Variants in PLXNC1 observed in about 807,000 individuals in gnomAD.
The protein encoded by PLXNC1 is plexin C1.
A neutral mutation model predicts 178.2 loss-of-function variants in PLXNC1; 75 were observed. The observed-to-expected ratio is 0.42, with a 90% CI of 0.35 to 0.51. The LOEUF is 0.51. Among genes scored for constraint, PLXNC1 ranks in the 20% least tolerant of loss-of-function variants. The pLI is 0.02. For synonymous variants in PLXNC1, 790 were observed against 779.9 expected, an observed-to-expected ratio of 1.01 and a Z score of -0.22; for missense variants, 1,503 against 1,984.4, an observed-to-expected ratio of 0.76 and a Z score of 4.61.
At chr12:94,164,451 C>T (rs866215106) in intron 1 of PLXNC1, among the ~76,000 whole-genome samples, 7 of 87,402 alleles carry the variant, frequency 8.0e-5, no homozygotes, top group African/African-American at 2.1e-4. Context: ...CACCCTGCCT[C>T]GATGAGCCGG....
chr12:94,218,744 C>CACAT, intron 5 of PLXNC1, among the ~76,000 whole-genome samples: 1 of 152,192 alleles, frequency 6.6e-6, no homozygotes, highest in Non-Finnish European at 1.5e-5. Context: ...TATCCCTGTA[C>CACAT]ACATACAAAC....
chr12:94,268,372 T>A (rs907265559), intron 21 of PLXNC1, among the ~76,000 whole-genome samples: 1 of 151,962 alleles, frequency 6.6e-6, no homozygotes, highest in Non-Finnish European at 1.5e-5. Context: ...CCAAGCAAAG[T>A]CCCCTAGAGC....
At position 94,153,709 on chromosome 12, in the gene PLXNC1, C is replaced by A. The variant is rs1304578768; in HGVS notation, c.1062+3676C>A. Reference sequence around the variant, plus strand: ...AGTATTGGTCCACAGGACTCTAGATCATTCTAGTTTGTTCTCTAGTTCATT... The same window carrying A: ...AGTATTGGTCCACAGGACTCTAGATAATTCTAGTTTGTTCTCTAGTTCATT... On this transcript the variant is annotated intron_variant, in intron 1 of 30. Coordinates refer to ENST00000258526, the MANE Select transcript of PLXNC1 (RefSeq NM_005761.3). Among the ~76,000 whole-genome samples, 4 of 152,174 alleles carry A rather than the reference C, an allele frequency of 2.6e-5. No individual in the cohort carries two copies. In the South Asian group the frequency reaches 8.3e-4, roughly 32 times the overall value.
intron 12 of PLXNC1, among the ~76,000 whole-genome samples, chr12:94,245,695 A>G (rs1964510928): frequency 1.3e-5 from 2 of 152,138 alleles, no homozygotes; most frequent in South Asian, 4.1e-4. Flanking sequence ...GGTGGGTGGA[A>G]GCAGGGAGGT....
chr12:94,181,253 T>C (rs977863908), intron 2 of PLXNC1, among the ~76,000 whole-genome samples, 193 bp from the exon 3 acceptor site: 1 of 151,790 alleles, frequency 6.6e-6, no homozygotes, highest in African/African-American at 2.4e-5. Flanking sequence ...ATTAGCTGGG[T>C]GTGGTGCATC....
chr12:94,256,878 A>G (rs1964860562), intron 17 of PLXNC1, among the ~76,000 whole-genome samples: 1 of 151,424 alleles, frequency 6.6e-6, no homozygotes, highest in African/African-American at 2.4e-5. Context: ...CCCAGGAACA[A>G]TGCTACCTTA....
intron 22 of PLXNC1, chr12:94,281,920 C>T (rs552205368): frequency 8.0e-5 from 17 of 211,540 alleles, no homozygotes; most frequent in Admixed American, 3.8e-4. Context: ...CCCTCCACCC[C>T]GAACAGGAGC....
intron 4 of PLXNC1, among the ~76,000 whole-genome samples, chr12:94,193,583 A>G (rs1270469627): frequency 1.3e-5 from 2 of 152,224 alleles, no homozygotes; most frequent in Non-Finnish European, 1.5e-5. Flanking sequence ...TGATACCCAC[A>G]TGTACACTTG....
At chr12:94,174,027 G>A (rs1961952946) in intron 2 of PLXNC1, among the ~76,000 whole-genome samples, 1 of 143,650 alleles carries the variant, frequency 7.0e-6, no homozygotes, top group Non-Finnish European at 1.6e-5. Flanking sequence ...GTGTCTCCCC[G>A]ACCTCCCAGG....
At chr12:94,240,813 C>A in intron 11 of PLXNC1, 149 bp downstream of exon 11, 1 of 651,218 alleles carries the variant, frequency 1.5e-6, no homozygotes, top group Non-Finnish European at 2.6e-6. Flanking sequence ...TAGAAAAATG[C>A]ATACCTGACA....
chr12:94,292,997 A>T (rs531949299), intron 23 of PLXNC1, among the ~76,000 whole-genome samples: 13 of 152,278 alleles, frequency 8.5e-5, no homozygotes, highest in Non-Finnish European at 1.6e-4. Context: ...TTTCCTAATC[A>T]CTACCGCTGC....
At chr12:94,150,138 C>A in intron 1 of PLXNC1, 105 bp downstream of exon 1, 1 of 961,502 alleles carries the variant, frequency 1.0e-6, no homozygotes, top group Non-Finnish European at 1.5e-6. Context: ...GGGGGTACAG[C>A]CGGGTGACAT....
intron 17 of PLXNC1, 26 bp from the exon 18 acceptor site, chr12:94,259,308 GAAT>G: frequency 6.5e-7 from 1 of 1,539,156 alleles, no homozygotes; most frequent in Non-Finnish European, 8.9e-7. Flanking sequence ...TGGATGTTAT[GAAT>G]AATAAAAGTG....
Position 94,209,694 on chromosome 12 carries a change from G to A in PLXNC1, c.1544G>A (p.Ser515Asn). 1.9e-6 allele frequency: 3 copies of A among 1,590,664 alleles called. No homozygotes were observed. Among genetic ancestry groups the A allele is most frequent in the Non-Finnish European group, 2.6e-6 (3 of 1,158,722 alleles). Residue 515 changes from serine (S) to asparagine (N), a missense_variant, in exon 5 of 31, where the codon AGT (serine) becomes AAT (asparagine). Around this residue, in one of 4 missense-constraint regions of PLXNC1, gnomAD observed 615 missense variants for 698.6 expected, o/e 0.88. Coordinates refer to ENST00000258526, the MANE Select transcript of PLXNC1 (RefSeq NM_005761.3). The stretch of plus-strand genomic sequence containing the variant: ...CCTAAAATTCAGATAATTCGAAGCA[G>A]TAAAGAAAAGGTAAGAGGAAAGATT... ...KCPKIQIIRS[S>N]KEKTTVTMVG...
chr12:94,209,895 T>TA (rs1374516289), intron 5 of PLXNC1, among the ~76,000 whole-genome samples, 191 bp downstream of exon 5: 1 of 152,216 alleles, frequency 6.6e-6, no homozygotes, highest in Non-Finnish European at 1.5e-5. Context: ...GTGCTGGGGA[T>TA]ACAGCGGTAA....
chr12:94,202,425 T>C (rs1198251394), intron 4 of PLXNC1, among the ~76,000 whole-genome samples: 1 of 152,206 alleles, frequency 6.6e-6, no homozygotes, highest in Non-Finnish European at 1.5e-5. Flanking sequence ...GGCCTTTCCC[T>C]TTGGGGGATT....
chr12:94,303,107 A>G (rs1264042533), intron 28 of PLXNC1, among the ~76,000 whole-genome samples: 3 of 152,246 alleles, frequency 2.0e-5, no homozygotes, highest in Middle Eastern at 6.3e-3. Context: ...TTAAAAATAA[A>G]ATCATATTTA....
At chr12:94,197,757 C>T (rs1962971325) in intron 4 of PLXNC1, among the ~76,000 whole-genome samples, 2 of 152,080 alleles carry the variant, frequency 1.3e-5, no homozygotes, top group South Asian at 4.2e-4. Flanking sequence ...CAACTCTGGG[C>T]TTAGCTCTAG....
chr12:94,225,325 T>C (rs551475480), intron 7 of PLXNC1, among the ~76,000 whole-genome samples: 1 of 152,226 alleles, frequency 6.6e-6, no homozygotes, highest in Admixed American at 6.5e-5. Context: ...AACCATGGTT[T>C]CTATGGGGAA....
Sources: gnomAD v4.1 joint callset for allele counts (sites outside exome capture counted in the v4.1 genomes callset) on GRCh38, gnomAD v4.1.1 for gene constraint, gnomAD v4.1.1 regional missense constraint, MANE v1.5 for transcripts, NCBI Gene and HGNC (gene_info 2026-07-23, HGNC 2026-07-21) for gene names.